Variants in CASR observed in about 807,000 individuals in gnomAD.
CASR encodes extracellular calcium-sensing receptor.
CASR carries 23 observed loss-of-function variants against 69.1 expected under a neutral mutation model. That is an observed-to-expected ratio of 0.33 (90% CI 0.24 to 0.47). The LOEUF (loss-of-function observed/expected upper bound fraction) is 0.47. CASR is among the 20% of genes least tolerant of loss of function. The pLI, the probability that CASR is intolerant of heterozygous loss-of-function variation, is 1.00. For synonymous variants in CASR, 541 were observed against 544.7 expected (o/e 0.99, Z 0.10); for missense variants, 924 against 1,356.1 (o/e 0.68, Z 5.00).
intron 1 of CASR, among the ~76,000 whole-genome samples, chr3:122,212,501 G>C (rs111866966): frequency 6.6e-6 from 1 of 151,866 alleles, no homozygotes; most frequent in Non-Finnish European, 1.5e-5. Context: ...AAACCACCAC[G>C]GCACATGTTT....
At chr3:122,276,141 A>T (rs562956195) in intron 5 of CASR, 99 bp downstream of exon 5, 35 of 787,394 alleles carry the variant, frequency 4.4e-5, no homozygotes, top group Non-Finnish European at 6.7e-5. Flanking sequence ...GACTTCCAAA[A>T]TAAAGAGTCC....
intron 2 of CASR, 95 bp from the exon 3 acceptor site, chr3:122,256,986 C>T: frequency 2.0e-6 from 2 of 990,188 alleles, no homozygotes; most frequent in African/African-American, 1.6e-5. Context: ...AGAGTAGTAA[C>T]AGTTCGATGA....
At chr3:122,185,262 C>A (rs930524265) in intron 1 of CASR, among the ~76,000 whole-genome samples, 7 of 152,186 alleles carry the variant, frequency 4.6e-5, no homozygotes, top group African/African-American at 1.7e-4. Flanking sequence ...ACACCCATAG[C>A]CTTTCCCACT....
intron 1 of CASR, among the ~76,000 whole-genome samples, chr3:122,213,526 G>A (rs960108303): frequency 6.6e-6 from 1 of 152,060 alleles, no homozygotes; most frequent in African/African-American, 2.4e-5. Flanking sequence ...ACACTGGCTC[G>A]TTTGGGTCCT....
chr3:122,272,091 G>GTA (rs55688288), intron 4 of CASR, among the ~76,000 whole-genome samples: 32,503 of 148,766 alleles, frequency 0.22, 3,840 homozygotes, highest in East Asian at 0.41. Flanking sequence ...TCCTAGGAAT[G>GTA]CACACACACA....
intron 4 of CASR, among the ~76,000 whole-genome samples, chr3:122,264,051 C>T (rs1032321048): frequency 2.0e-5 from 3 of 151,654 alleles, no homozygotes; most frequent in African/African-American, 7.3e-5. Flanking sequence ...TTCAATGGCT[C>T]CTCTTCCAGA....
At chr3:122,188,503 A>G (rs1429153753) in intron 1 of CASR, among the ~76,000 whole-genome samples, 1 of 104,344 alleles carries the variant, frequency 9.6e-6, no homozygotes, top group Non-Finnish European at 2.2e-5. Flanking sequence ...GATCGGTACC[A>G]AAAAAAATGC....
rs1412841993 is a variant in CASR, at chr3:122,285,206, A to G, written c.*15A>G. ...TGAATTCATAAAATGGAAGGAGAAG[A>G]CTGGGCTAGGGAGAATGCAGAGAGG... is the stretch of plus-strand genomic sequence containing the variant. On this transcript the variant is annotated 3_prime_UTR_variant, in exon 7 of 7. Coordinates refer to ENST00000639785, the MANE Select transcript of CASR (RefSeq NM_000388.4). The G allele has an allele frequency of 4.3e-6, 7 of 1,612,390 alleles. No individual in the cohort carries two copies. The highest frequency in any genetic ancestry group is 2.2e-5 in the East Asian group (1 of 44,886).
Position 122,261,746 on chromosome 3 carries a change from C to T in CASR, c.711C>T (p.Ile237=), listed in dbSNP as rs778379455. 8 of 1,614,128 alleles carry T rather than the reference C, an allele frequency of 5.0e-6. No individual in the cohort carries two copies. In the South Asian group the frequency reaches 6.6e-5, roughly 13 times the overall value. ...AAGCTGAGGAAAGGGATATCTGCAT[C>T]GACTTCAGTGAACTCATCTCCCAGT... ...REEAEERDIC[I]DFSELISQYS... The change falls in exon 4 of 7, where the codon ATC becomes ATT. Residue 237 remains isoleucine (I), a synonymous_variant. Coordinates refer to ENST00000639785, the MANE Select transcript of CASR (RefSeq NM_000388.4).
chr3:122,249,193 C>A (rs1352010872), intron 1 of CASR, among the ~76,000 whole-genome samples: 1 of 152,232 alleles, frequency 6.6e-6, no homozygotes, highest in East Asian at 1.9e-4. Flanking sequence ...AGAAAAGAGA[C>A]AGGCCTTGGC....
chr3:122,250,027 G>A (rs985021864), intron 1 of CASR, among the ~76,000 whole-genome samples: 1 of 152,192 alleles, frequency 6.6e-6, no homozygotes, highest in South Asian at 2.1e-4. Context: ...CAGAATAGAG[G>A]AAGCGGGGAG....
At chr3:122,253,215 T>C (rs1050893811) in intron 1 of CASR, among the ~76,000 whole-genome samples, 4 of 152,236 alleles carry the variant, frequency 2.6e-5, no homozygotes, top group Admixed American at 2.0e-4. Flanking sequence ...AAGTCAGATT[T>C]AAGCTTAAAT....
chr3:122,272,417 A>ATGTT (rs1363723708), intron 4 of CASR, among the ~76,000 whole-genome samples: 3 of 151,802 alleles, frequency 2.0e-5, no homozygotes, highest in Non-Finnish European at 2.9e-5. Context: ...GCCCCATAAC[A>ATGTT]CATCATGTTT....
chr3:122,265,124 TG>T (rs2074676288), intron 4 of CASR, among the ~76,000 whole-genome samples: 1 of 152,240 alleles, frequency 6.6e-6, no homozygotes, highest in Non-Finnish European at 1.5e-5. Context: ...CACTTTCCCC[TG>T]GAAGTCTTTT....
In CASR at chr3:122,284,570, G is replaced by A; in HGVS notation, c.2616G>A (p.Val872=). ...FKPSRNTIEE[V]RCSTAAHAFK... ...CATCCCGCAACACCATCGAGGAGGTGCGTTGCAGCACCGCAGCTCACGCTT... is the reference window on the plus strand; with the variant it reads ...CATCCCGCAACACCATCGAGGAGGTACGTTGCAGCACCGCAGCTCACGCTT... Residue 872 remains valine, a synonymous_variant, in exon 7 of 7, where the codon GTG becomes GTA. Coordinates refer to ENST00000639785, the MANE Select transcript of CASR (RefSeq NM_000388.4). The A allele has an allele frequency of 6.2e-7, 1 of 1,614,134 alleles. No homozygotes were observed. Among genetic ancestry groups the A allele is most frequent in the Non-Finnish European group, 8.5e-7 (1 of 1,180,034 alleles).
chr3:122,251,306 C>T (rs1194608267), intron 1 of CASR, among the ~76,000 whole-genome samples: 1 of 152,204 alleles, frequency 6.6e-6, no homozygotes, highest in African/African-American at 2.4e-5. Context: ...AGATCCAAGA[C>T]ATAAGAGACT....
chr3:122,241,742 G>A (rs969497373), intron 1 of CASR, among the ~76,000 whole-genome samples: 7 of 151,902 alleles, frequency 4.6e-5, no homozygotes, highest in Non-Finnish European at 8.8e-5. Context: ...AAAACTACAG[G>A]CCAACATCTC....
intron 4 of CASR, among the ~76,000 whole-genome samples, chr3:122,275,013 ATACT>A (rs1404756883): frequency 1.3e-5 from 2 of 152,190 alleles, no homozygotes; most frequent in African/African-American, 2.4e-5. Context: ...CCTGGACGAG[ATACT>A]TAAAGTTTTC....
chr3:122,256,735 A>G (rs1238816325), intron 2 of CASR, among the ~76,000 whole-genome samples: 2 of 152,174 alleles, frequency 1.3e-5, no homozygotes, highest in African/African-American at 2.4e-5. Flanking sequence ...CTCCTGCCTC[A>G]GCCTCCCCTG....
Sources: gnomAD v4.1 joint callset for allele counts (sites outside exome capture counted in the v4.1 genomes callset) on GRCh38, gnomAD v4.1.1 for gene constraint, MANE v1.5 for transcripts, NCBI Gene and HGNC (gene_info 2026-07-23, HGNC 2026-07-21) for gene names.